The following USP1 variants were observed in gnomAD, a reference collection of about 807,000 sequenced individuals.
USP1 encodes the protein ubiquitin carboxyl-terminal hydrolase 1.
A neutral mutation model predicts 72.2 loss-of-function variants in USP1; 18 were observed. The observed-to-expected ratio is 0.25, with a 90% CI of 0.17 to 0.37. USP1 has a LOEUF of 0.37. USP1 is among the 10% of genes least tolerant of loss of function. USP1 has a pLI of 1.00. For synonymous variants in USP1, 354 were observed against 303.7 expected, an observed-to-expected ratio of 1.17 and a Z score of -1.72; for missense variants, 759 against 884.9, an observed-to-expected ratio of 0.86 and a Z score of 1.81.
In USP1 at chr1:62,437,341, C is replaced by G. The variant is rs1645096594; in HGVS notation, c.-129C>G. 1 of 395,848 alleles carries G rather than the reference C, an allele frequency of 2.5e-6. No homozygotes were observed. Among genetic ancestry groups the G allele is most frequent in the Non-Finnish European group, 4.4e-6 (1 of 224,802 alleles). 24.5% of individuals were successfully genotyped at this position (395,848 alleles called of 1,614,324 possible). A position where few individuals can be genotyped will look rare whatever the true frequency, so the allele number is the denominator to read the frequency against. Reference sequence around the variant, plus strand: ...CAGGGACTCACCTGTCGCACCCACACTCATTCGGGTTGGACTTGCCGGCGT... The same window carrying G: ...CAGGGACTCACCTGTCGCACCCACAGTCATTCGGGTTGGACTTGCCGGCGT... On this transcript the variant is annotated 5_prime_UTR_variant, in exon 1 of 9. Coordinates refer to ENST00000339950, the MANE Select transcript of USP1 (RefSeq NM_003368.5).
intron 6 of USP1, among the ~76,000 whole-genome samples, chr1:62,446,800 TTTTTTTA>T (rs1645178061): frequency 6.6e-6 from 1 of 152,018 alleles, no homozygotes; most frequent in Admixed American, 6.6e-5. Context: ...ACAACTGACT[TTTTTTTA>T]TTTTTTATTT....
chr1:62,442,660 A>C (rs1443067973), intron 4 of USP1, among the ~76,000 whole-genome samples: 2 of 152,254 alleles, frequency 1.3e-5, no homozygotes, highest in Non-Finnish European at 2.9e-5. Flanking sequence ...CCATAATTAA[A>C]AAACCATTGT....
chr1:62,448,734 T>A, intron 8 of USP1, 68 bp downstream of exon 8: 1 of 1,474,250 alleles, frequency 6.8e-7, no homozygotes, highest in South Asian at 1.2e-5. Context: ...TTGTTCAAAA[T>A]GCTGTAATAG....
chr1:62,449,382 T>G (rs1382678314), intron 8 of USP1, among the ~76,000 whole-genome samples: 1 of 152,144 alleles, frequency 6.6e-6, no homozygotes, highest in Non-Finnish European at 1.5e-5. Flanking sequence ...AAAATGCTGA[T>G]TGTTTTGGAT....
intron 8 of USP1, among the ~76,000 whole-genome samples, chr1:62,450,018 A>G (rs1174129979): frequency 6.6e-6 from 1 of 152,018 alleles, no homozygotes; most frequent in African/African-American, 2.4e-5. Flanking sequence ...AAATACAATT[A>G]TTTCTTCCAC....
rs573864159 is a variant in USP1 at position 62,441,011 on chromosome 1, A to T, written c.171-477A>T. On this transcript the variant is annotated intron_variant, in intron 2 of 8. Coordinates refer to ENST00000339950, the MANE Select transcript of USP1 (RefSeq NM_003368.5). ...ATTTTTAAGTGAGGGATAGCTACAT[A>T]TTTTTTTTTTTTTTACCAGCAGGAA... Among the ~76,000 whole-genome samples the T allele has an allele frequency of 9.1e-3, 1,322 of 145,782 alleles. 28 individuals carry two copies. The highest frequency in any genetic ancestry group is 0.031 in the African/African-American group (1,227 of 39,732).
In USP1 at chr1:62,442,192, T is replaced by C. The variant is rs1645138780; in HGVS notation, c.292-3T>C. On this transcript the variant is annotated splice_polypyrimidine_tract_variant and splice_region_variant and intron_variant, in intron 3 of 8. Transcript: ENST00000339950. The stretch of plus-strand genomic sequence containing the variant: ...ACACTTAAGACAATCTCACTTTTTA[T>C]AGGTATTATATTTTTGTCCCGGTTT... 2.0e-6 allele frequency: 3 copies of C among 1,535,524 alleles called. No individual in the cohort carries two copies. The highest frequency in any genetic ancestry group is 1.4e-5 in the African/African-American group (1 of 72,486).
Position 62,437,251 on chromosome 1 carries a change from A to T in USP1, c.-219A>T, listed in dbSNP as rs896909661. 2.5e-6 allele frequency: 1 copy of T among 397,294 alleles called. No individual in the cohort carries two copies. The highest frequency in any genetic ancestry group is 2.1e-5 in the African/African-American group (1 of 48,234). 24.6% of individuals were successfully genotyped at this position (397,294 alleles called of 1,614,324 possible). On this transcript the variant is annotated 5_prime_UTR_variant, in exon 1 of 9. Transcript: ENST00000339950. ...TTCCCGCTCTTGGGAGCGGATGGTCACTCCCCCGCGGGGAGGGCGAGCCGA... is the reference window on the plus strand; with the variant it reads ...TTCCCGCTCTTGGGAGCGGATGGTCTCTCCCCCGCGGGGAGGGCGAGCCGA...
chr1:62,442,477 T>G (rs1043750475), intron 4 of USP1, among the ~76,000 whole-genome samples, 178 bp downstream of exon 4: 1 of 152,168 alleles, frequency 6.6e-6, no homozygotes, highest in Non-Finnish European at 1.5e-5. Flanking sequence ...GATAATTCCC[T>G]TTTACAATGT....
At chr1:62,447,613 A>G in intron 7 of USP1, 102 bp downstream of exon 7, 1 of 1,340,638 alleles carries the variant, frequency 7.5e-7, no homozygotes, top group Non-Finnish European at 1.0e-6. Flanking sequence ...AGGGGAAAAA[A>G]GCTAGCTTTT....
chr1:62,440,002 TGAA>T lies in USP1; in HGVS notation c.139_141del (p.Glu47del). On this transcript the variant is annotated inframe_deletion, in exon 2 of 9. Transcript: ENST00000339950. ...TGGATTTCACAGATTCTCAAGAAAA[TGAA>T]GAAAAAGCTTCTGAATATAGAGCAT... 6.5e-7 allele frequency: 1 copy of T among 1,545,666 alleles called. No individual in the cohort carries two copies.
rs1645181963 is a variant in USP1 at position 62,447,230 on chromosome 1, G to A, written c.1250-111G>A. ...TAATAATGCTAATAAGCTGATCTAT[G>A]AAAATGGAACTGTTATTCATGATAT... On this transcript the variant is annotated intron_variant, in intron 6 of 8. Coordinates refer to ENST00000339950, the MANE Select transcript of USP1 (RefSeq NM_003368.5). The A allele has an allele frequency of 9.2e-6, 10 of 1,082,306 alleles. No homozygotes were observed. In the South Asian group the frequency reaches 1.7e-4, roughly 19 times the overall value. The allele number at this position is 1,082,306 out of a possible 1,614,324, so 67.0% of individuals were successfully genotyped here.
rs1571126024 is a variant in USP1, at chr1:62,437,083, C to T, written c.-387C>T. On this transcript the variant is annotated 5_prime_UTR_variant, in exon 1 of 9. Transcript: ENST00000339950. ...CCAAGTTCCCCTCGGTGGCGGAGTG[C>T]TAAAGACCCTAGCGGTTCAGGCGTT... 3 of 398,836 alleles carry T rather than the reference C, an allele frequency of 7.5e-6. No homozygotes were observed. The highest frequency in any genetic ancestry group is 1.3e-4 in the South Asian group (1 of 7,858). 24.7% of individuals were successfully genotyped at this position (398,836 alleles called of 1,614,324 possible). A position where few individuals can be genotyped will look rare whatever the true frequency, so the allele number is the denominator to read the frequency against.
chr1:62,449,724 C>G (rs1184534062), intron 8 of USP1, among the ~76,000 whole-genome samples: 1 of 151,992 alleles, frequency 6.6e-6, no homozygotes, highest in Non-Finnish European at 1.5e-5. Context: ...CCAGCCTGGG[C>G]AACATGACAA....
intron 1 of USP1, among the ~76,000 whole-genome samples, chr1:62,439,444 A>C (rs890965154): frequency 6.6e-6 from 1 of 152,184 alleles, no homozygotes; most frequent in African/African-American, 2.4e-5. Flanking sequence ...CGGCCTCCCA[A>C]AGTGCTGGGA....
chr1:62,451,095 C>G lies in USP1; in HGVS notation c.*114C>G, dbSNP rs1305069197. ...TTTGAAGCTACTGGATATTATTGGT[C>G]TCTCTAGGTTTTTATATAAATAGTG... On this transcript the variant is annotated 3_prime_UTR_variant, in exon 9 of 9. Coordinates refer to ENST00000339950, the MANE Select transcript of USP1 (RefSeq NM_003368.5). 2 of 1,103,278 alleles carry G rather than the reference C, an allele frequency of 1.8e-6. No individual in the cohort carries two copies. Among genetic ancestry groups the G allele is most frequent in the South Asian group, 1.8e-5 (1 of 55,492 alleles). The allele number at this position is 1,103,278 out of a possible 1,614,324, so 68.3% of individuals were successfully genotyped here. A position where few individuals can be genotyped will look rare whatever the true frequency, so the allele number is the denominator to read the frequency against.
At chr1:62,448,744 G>C in intron 8 of USP1, 78 bp downstream of exon 8, 1 of 1,410,776 alleles carries the variant, frequency 7.1e-7, no homozygotes, top group African/African-American at 1.4e-5. Context: ...TGCTGTAATA[G>C]TAGGAATATA....
rs117639409 is a variant in USP1, at chr1:62,444,056, C to A, written c.558-682C>A. ...GGTGGGTCATTTGAGGTCAGGAGTT[C>A]AAGACCAGTGTGGCCAACATGGTGA... is the stretch of plus-strand genomic sequence containing the variant. On this transcript the variant is annotated intron_variant, in intron 5 of 8. Coordinates refer to ENST00000339950, the MANE Select transcript of USP1 (RefSeq NM_003368.5). 3.6e-4 allele frequency among the ~76,000 whole-genome samples: 54 copies of A among 152,076 alleles called. No homozygotes were observed. The East Asian group carries it at 8.9e-3, about 25-fold the overall frequency.
Position 62,450,996 on chromosome 1 carries a change from C to T in USP1, c.*15C>T. 1 of 1,556,804 alleles carries T rather than the reference C, an allele frequency of 6.4e-7. No homozygotes were observed. Among genetic ancestry groups the T allele is most frequent in the Non-Finnish European group, 8.6e-7 (1 of 1,160,238 alleles). ...AGAAATTATAGAGTGAGTGTATTTTCCTTGTGTATATATTAAACACACCCA... is the reference window on the plus strand; with the variant it reads ...AGAAATTATAGAGTGAGTGTATTTTTCTTGTGTATATATTAAACACACCCA... On this transcript the variant is annotated 3_prime_UTR_variant, in exon 9 of 9. Transcript: ENST00000339950.
Sources: allele counts gnomAD v4.1 joint callset (sites outside exome capture counted in the v4.1 genomes callset), GRCh38; gene constraint gnomAD v4.1.1; transcripts MANE v1.5; gene names NCBI Gene and HGNC (gene_info 2026-07-23, HGNC 2026-07-21).